Variants in PTPRN2 observed in about 807,000 individuals in gnomAD.
The protein encoded by PTPRN2 is receptor-type tyrosine-protein phosphatase N2.
Under a neutral mutation model 118.8 loss-of-function variants are expected in PTPRN2, and 74 were observed. The observed-to-expected ratio is 0.62, with a 90% CI of 0.52 to 0.76. The LOEUF (loss-of-function observed/expected upper bound fraction) is 0.76, where lower values mean the gene tolerates loss of function less well. PTPRN2 is among the 30% of genes least tolerant of loss of function. PTPRN2 has a pLI of 0.00. For missense variants in PTPRN2, 1,481 were observed against 1,394.4 expected (o/e 1.06, Z -0.99); for synonymous variants, 641 against 608.0 (o/e 1.05, Z -0.80).
At chr7:157,935,298 C>T (rs1252788679) in intron 11 of PTPRN2, among the ~76,000 whole-genome samples, 1 of 152,154 alleles carries the variant, frequency 6.6e-6, no homozygotes, top group African/African-American at 2.4e-5. Context: ...TGACTTTGTC[C>T]TAGAGGCCAC....
chr7:158,111,130 T>C (rs181780939), intron 9 of PTPRN2, among the ~76,000 whole-genome samples: 1 of 152,160 alleles, frequency 6.6e-6, no homozygotes, highest in East Asian at 1.9e-4. Context: ...GAATCGCAAG[T>C]GGCCCACCGT....
intron 3 of PTPRN2, among the ~76,000 whole-genome samples, chr7:158,282,695 C>A (rs2151002666): frequency 6.6e-6 from 1 of 151,648 alleles, no homozygotes; most frequent in Admixed American, 6.6e-5. Flanking sequence ...CACACAGCAG[C>A]CGGACAGACG....
At chr7:158,131,156 C>T (rs200196834) in intron 9 of PTPRN2, among the ~76,000 whole-genome samples, 25 of 51,828 alleles carry the variant, frequency 4.8e-4, no homozygotes, top group African/African-American at 3.5e-3. Context: ...ACACAAATAC[C>T]CGAAGATGCA....
chr7:157,922,709 C>A (rs1012096065), intron 11 of PTPRN2, among the ~76,000 whole-genome samples: 2 of 152,160 alleles, frequency 1.3e-5, no homozygotes, highest in East Asian at 1.9e-4. Flanking sequence ...CAGCGGCAAT[C>A]GTCTTTATTA....
At chr7:158,559,852 A>G (rs1827268786) in intron 1 of PTPRN2, among the ~76,000 whole-genome samples, 2 of 152,186 alleles carry the variant, frequency 1.3e-5, no homozygotes, top group Non-Finnish European at 2.9e-5. Context: ...CCCCACTTAC[A>G]TATTTTTTTA....
rs35071475 is a variant in PTPRN2, at chr7:157,583,883, AACACACACACACACACAC to A, written c.2497-5761_2497-5744del. Among the ~76,000 whole-genome samples, 136 of 134,262 alleles carry A rather than the reference AACACACACACACACACAC, an allele frequency of 1.0e-3. 1 individual carries two copies. Among genetic ancestry groups the A allele is most frequent in the African/African-American group, 2.8e-3 (99 of 35,638 alleles). The allele number at this position is 134,262 out of a possible 152,430, so 88.1% of individuals were successfully genotyped here. A position where few individuals can be genotyped will look rare whatever the true frequency, so the allele number is the denominator to read the frequency against. On this transcript the variant is annotated intron_variant, in intron 17 of 22. Coordinates refer to ENST00000389418, the MANE Select transcript of PTPRN2 (RefSeq NM_002847.5). The surrounding 1 kb of genome is among the most constrained non-coding windows in gnomAD (Gnocchi z 5.5). ...GGTGACAGAGCGAGACTCTGTCTCA[AACACACACACACACACAC>A]ACACACACACACACACACACACACA...
At chr7:157,900,944 T>G (rs1325979028) in intron 11 of PTPRN2, among the ~76,000 whole-genome samples, 1 of 152,198 alleles carries the variant, frequency 6.6e-6, no homozygotes, top group Non-Finnish European at 1.5e-5. Context: ...CACCCAAAGC[T>G]GGGCAATTTA....
chr7:158,290,266 T>A (rs561233086), intron 3 of PTPRN2, among the ~76,000 whole-genome samples: 1 of 152,184 alleles, frequency 6.6e-6, no homozygotes, highest in Non-Finnish European at 1.5e-5. Context: ...GGGACCAGCC[T>A]GGATCCTGAG....
intron 12 of PTPRN2, among the ~76,000 whole-genome samples, chr7:157,852,071 G>A (rs1311644678): frequency 6.6e-6 from 1 of 152,256 alleles, no homozygotes; most frequent in East Asian, 1.9e-4. Context: ...TTAGAGGCAG[G>A]TCTGTTTGCA....
At chr7:158,238,080 C>A (rs1174032558) in intron 3 of PTPRN2, among the ~76,000 whole-genome samples, 1 of 152,184 alleles carries the variant, frequency 6.6e-6, no homozygotes, top group African/African-American at 2.4e-5. Flanking sequence ...CAGCCGCGGC[C>A]TCCTGCTGGG....
At chr7:157,581,841 AACGTG>A (rs1317280896) in intron 17 of PTPRN2, among the ~76,000 whole-genome samples, 1 of 152,248 alleles carries the variant, frequency 6.6e-6, no homozygotes, top group African/African-American at 2.4e-5. Flanking sequence ...GTCCCAATCC[AACGTG>A]ACTGTGTCTT....
At chr7:157,969,427 G>A (rs934618846) in intron 11 of PTPRN2, among the ~76,000 whole-genome samples, 2 of 152,116 alleles carry the variant, frequency 1.3e-5, no homozygotes, top group African/African-American at 4.8e-5. Context: ...TTTCCTCTTT[G>A]CACACATCCT....
intron 11 of PTPRN2, among the ~76,000 whole-genome samples, chr7:158,064,387 G>GC (rs927094279): frequency 1.3e-5 from 2 of 152,118 alleles, no homozygotes; most frequent in Non-Finnish European, 2.9e-5. Flanking sequence ...GACAGCCACA[G>GC]CCCCCGGGAG....
rs117522506 is a variant in PTPRN2, at chr7:158,157,731, T to C, written c.910+9200A>G. Reference sequence around the variant, plus strand: ...AGTGAGACGAACCCTGTTCCCGCTATATAAGCCACAGAGTGACCCCCCCAG... The same window carrying C: ...AGTGAGACGAACCCTGTTCCCGCTACATAAGCCACAGAGTGACCCCCCCAG... On this transcript the variant is annotated intron_variant, in intron 6 of 22. Transcript: ENST00000389418. Among the ~76,000 whole-genome samples, 698 of 151,476 alleles carry C rather than the reference T, an allele frequency of 4.6e-3. 16 individuals are homozygous for C. In the East Asian group the frequency reaches 0.059, roughly 13 times the overall value.
intron 12 of PTPRN2, among the ~76,000 whole-genome samples, chr7:157,847,155 C>G (rs1808891521): frequency 7.6e-6 from 1 of 132,174 alleles, no homozygotes; most frequent in East Asian, 2.7e-4. Context: ...ATCATGCGTG[C>G]CCGATGTCGA....
intron 10 of PTPRN2, among the ~76,000 whole-genome samples, chr7:158,087,875 A>G (rs1354993095): frequency 1.2e-5 from 1 of 83,576 alleles, no homozygotes; most frequent in African/African-American, 3.1e-5. Flanking sequence ...GAGTCTTCAC[A>G]CAAACCTTCT....
chr7:158,268,427 C>T (rs868133967), intron 3 of PTPRN2, among the ~76,000 whole-genome samples: 34 of 147,750 alleles, frequency 2.3e-4, no homozygotes, highest in Non-Finnish European at 4.0e-4. Context: ...ATATCCCAGC[C>T]GCATGCACAC....
chr7:158,023,921 C>T (rs918201973), intron 11 of PTPRN2, among the ~76,000 whole-genome samples: 14 of 151,890 alleles, frequency 9.2e-5, no homozygotes, highest in African/African-American at 1.4e-4. Flanking sequence ...CTGGCACACA[C>T]TCGCAGGCAC....
At chr7:158,142,628 C>T (rs1819496386) in intron 6 of PTPRN2, among the ~76,000 whole-genome samples, 2 of 152,234 alleles carry the variant, frequency 1.3e-5, no homozygotes, top group Admixed American at 1.3e-4. Context: ...GCCACACCCC[C>T]AGGGCCCACC....
Sources: allele counts gnomAD v4.1 joint callset (sites outside exome capture counted in the v4.1 genomes callset), GRCh38; gene constraint gnomAD v4.1.1; non-coding constraint Gnocchi (gnomAD v3.1); transcripts MANE v1.5; gene names NCBI Gene and HGNC (gene_info 2026-07-23, HGNC 2026-07-21).